STAG1: variants seen among roughly 807,000 people sequenced by gnomAD.
STAG1 encodes STAG1 cohesin complex component.
Under a neutral mutation model 170.9 loss-of-function variants are expected in STAG1, and 26 were observed. The observed-to-expected ratio is 0.15, with a 90% CI of 0.11 to 0.21. The LOEUF (loss-of-function observed/expected upper bound fraction) is 0.21. Among genes scored for constraint, STAG1 ranks in the 10% least tolerant of loss-of-function variants. The pLI, the probability that STAG1 is intolerant of heterozygous loss-of-function variation, is 1.00. For synonymous variants in STAG1, 514 were observed against 497.7 expected (o/e 1.03, Z -0.44); for missense variants, 964 against 1,509.5 (o/e 0.64, Z 5.99).
intron 1 of STAG1, among the ~76,000 whole-genome samples, chr3:136,714,234 C>G (rs1943461165): frequency 6.6e-6 from 1 of 152,050 alleles, no homozygotes; most frequent in Non-Finnish European, 1.5e-5. Context: ...CTATGTGAAG[C>G]TCAAAAACAG....
chr3:136,423,887 A>T (rs1375731992), intron 16 of STAG1, among the ~76,000 whole-genome samples: 8 of 151,188 alleles, frequency 5.3e-5, no homozygotes, highest in Non-Finnish European at 1.0e-4. Context: ...TTTTTGAGAC[A>T]GAGTCTTGCT....
intron 22 of STAG1, among the ~76,000 whole-genome samples, chr3:136,389,258 C>T (rs2086946485): frequency 6.6e-6 from 1 of 152,174 alleles, no homozygotes; most frequent in Non-Finnish European, 1.5e-5. Context: ...ACAGCATTCA[C>T]TGGGGACAGG....
At chr3:136,675,203 C>A (rs1326603806) in intron 1 of STAG1, among the ~76,000 whole-genome samples, 1 of 152,208 alleles carries the variant, frequency 6.6e-6, no homozygotes, top group Non-Finnish European at 1.5e-5. Flanking sequence ...CCCCAGTCAA[C>A]TTCCAGAAAA....
At chr3:136,678,593 T>TA (rs1942218112) in intron 1 of STAG1, among the ~76,000 whole-genome samples, 1 of 151,532 alleles carries the variant, frequency 6.6e-6, no homozygotes, top group Non-Finnish European at 1.5e-5. Flanking sequence ...AGTAGAACTA[T>TA]AAAAAATTCA....
At chr3:136,701,867 C>T (rs1179263316) in intron 1 of STAG1, among the ~76,000 whole-genome samples, 2 of 152,046 alleles carry the variant, frequency 1.3e-5, no homozygotes, top group Admixed American at 6.6e-5. Flanking sequence ...AAAAAATTAT[C>T]GAGAGCTACT....
chr3:136,498,927 A>G (rs1386051933), intron 9 of STAG1, among the ~76,000 whole-genome samples: 1 of 152,210 alleles, frequency 6.6e-6, no homozygotes, highest in Admixed American at 6.5e-5. Context: ...ACAGATACAC[A>G]TACACACACA....
At chr3:136,448,239 ATCAGT>A (rs2088840528) in intron 14 of STAG1, among the ~76,000 whole-genome samples, 1 of 152,216 alleles carries the variant, frequency 6.6e-6, no homozygotes, top group Non-Finnish European at 1.5e-5. Flanking sequence ...GAAAAAAATA[ATCAGT>A]TCAGTTAATC....
At chr3:136,624,433 T>A (rs1235844327) in intron 2 of STAG1, among the ~76,000 whole-genome samples, 2 of 152,204 alleles carry the variant, frequency 1.3e-5, no homozygotes, top group African/African-American at 4.8e-5. Flanking sequence ...CTGCAACTGA[T>A]GAATGAATAG....
intron 1 of STAG1, among the ~76,000 whole-genome samples, chr3:136,638,062 T>C (rs934637011): frequency 2.6e-5 from 4 of 151,434 alleles, no homozygotes; most frequent in Non-Finnish European, 4.4e-5. Flanking sequence ...CACGCCACTA[T>C]GCCTGGCTAA....
chr3:136,648,621 T>C (rs1027206271), intron 1 of STAG1, among the ~76,000 whole-genome samples: 3 of 152,222 alleles, frequency 2.0e-5, no homozygotes, highest in Non-Finnish European at 4.4e-5. Flanking sequence ...CCTCATTTTA[T>C]GTAATGAAAT....
intron 4 of STAG1, among the ~76,000 whole-genome samples, chr3:136,577,290 T>A (rs904443233): frequency 6.6e-6 from 1 of 152,176 alleles, no homozygotes; most frequent in Admixed American, 6.5e-5. Flanking sequence ...TCTCATTTCT[T>A]ATAGGTGAGG....
chr3:136,731,680 T>A (rs974890907), intron 1 of STAG1, among the ~76,000 whole-genome samples: 1 of 152,250 alleles, frequency 6.6e-6, no homozygotes, highest in Non-Finnish European at 1.5e-5. Flanking sequence ...AATGTCTTTA[T>A]AACCACACTA....
intron 13 of STAG1, among the ~76,000 whole-genome samples, chr3:136,453,771 A>T (rs897855158): frequency 6.6e-6 from 1 of 151,770 alleles, no homozygotes; most frequent in South Asian, 2.1e-4. Context: ...AAAAAACGGT[A>T]TATGTATATA....
chr3:136,349,449 G>T, intron 28 of STAG1, 86 bp from the exon 29 acceptor site: 4 of 998,990 alleles, frequency 4.0e-6, no homozygotes, highest in East Asian at 2.5e-5. Flanking sequence ...CTCTCTTTCT[G>T]CAGGTTCTGA....
intron 3 of STAG1, 39 bp downstream of exon 3, chr3:136,623,107 C>A: frequency 1.3e-6 from 2 of 1,530,292 alleles, no homozygotes; most frequent in South Asian, 2.3e-5. Flanking sequence ...TTAACACGGT[C>A]ACTATTAAAG....
chr3:136,717,661 T>C (rs935810921), intron 1 of STAG1, among the ~76,000 whole-genome samples: 15 of 152,088 alleles, frequency 9.9e-5, no homozygotes, highest in Admixed American at 6.6e-5. Flanking sequence ...TGAAACTCTG[T>C]CTCAATAAAT....
rs1936350055 is a variant in STAG1 at position 136,349,382 on chromosome 3, C to A, written c.3066-19G>T. The stretch of plus-strand genomic sequence containing the variant: ...TGAATGACTAGAAACACAATAGAAA[C>A]AGCAGTGATTTTCAGAGAAGCAGTT... On this transcript the variant is annotated intron_variant, in intron 28 of 33. Coordinates refer to ENST00000383202, the MANE Select transcript of STAG1 (RefSeq NM_005862.3). 1 of 1,588,348 alleles carries A rather than the reference C, an allele frequency of 6.3e-7. No homozygotes were observed. Among genetic ancestry groups the A allele is most frequent in the African/African-American group, 1.3e-5 (1 of 74,422 alleles).
intron 9 of STAG1, among the ~76,000 whole-genome samples, chr3:136,494,097 C>A (rs1576528902): frequency 6.6e-6 from 1 of 151,972 alleles, no homozygotes; most frequent in Non-Finnish European, 1.5e-5. Context: ...CAGGGAGAAG[C>A]CCTAGTTTCT....
intron 1 of STAG1, among the ~76,000 whole-genome samples, chr3:136,663,064 T>C (rs893263670): frequency 2.6e-5 from 4 of 151,646 alleles, no homozygotes; most frequent in African/African-American, 9.7e-5. Context: ...ATAAATAAAA[T>C]AAAATAGTAA....
Sources: gnomAD v4.1 joint callset for allele counts (sites outside exome capture counted in the v4.1 genomes callset) on GRCh38, gnomAD v4.1.1 for gene constraint, MANE v1.5 for transcripts, NCBI Gene and HGNC (gene_info 2026-07-23, HGNC 2026-07-21) for gene names.